The following ZFHX3 variants were observed in gnomAD, a reference collection of about 807,000 sequenced individuals.
ZFHX3 encodes the protein zinc finger homeobox protein 3.
Under a neutral mutation model 279.1 loss-of-function variants are expected in ZFHX3, and 42 were observed. The observed-to-expected ratio is 0.15, with a 90% confidence interval of 0.12 to 0.19. ZFHX3 has a LOEUF of 0.19. Ranked by LOEUF, ZFHX3 falls within the 10% of genes least tolerant of loss-of-function variation. ZFHX3 has a pLI of 1.00. For synonymous variants in ZFHX3, 2,293 were observed against 1,957.8 expected, an observed-to-expected ratio of 1.17 and a Z score of -4.52; for missense variants, 4,981 against 4,754.0, an observed-to-expected ratio of 1.05 and a Z score of -1.40.
chr16:72,937,148 C>T (rs1015653052), intron 3 of ZFHX3, among the ~76,000 whole-genome samples: 2 of 152,244 alleles, frequency 1.3e-5, no homozygotes, highest in South Asian at 4.1e-4. Context: ...CATTCTCAGA[C>T]ATTCGAATGC....
At chr16:72,979,212 G>C (rs2144535043) in intron 1 of ZFHX3, among the ~76,000 whole-genome samples, 1 of 152,350 alleles carries the variant, frequency 6.6e-6, no homozygotes, top group African/African-American at 2.4e-5. Flanking sequence ...CCCAACAACA[G>C]CGCTCCTGTG....
chr16:73,496,530 TAAAC>T (rs922980078), intron 2 of ZFHX3, among the ~76,000 whole-genome samples: 1 of 152,150 alleles, frequency 6.6e-6, no homozygotes, highest in Admixed American at 6.5e-5. Flanking sequence ...GACTCCATCT[TAAAC>T]AAACAAACAA....
chr16:72,950,970 AG>A lies in ZFHX3; in HGVS notation c.2720-6del, dbSNP rs1314457987. 1 of 1,607,758 alleles carries A rather than the reference AG, an allele frequency of 6.2e-7. No homozygotes were observed. Among genetic ancestry groups the A allele is most frequent in the Middle Eastern group, 1.7e-4 (1 of 6,018 alleles). On this transcript the variant is annotated splice_region_variant and splice_polypyrimidine_tract_variant and intron_variant, in intron 2 of 9. Transcript: ENST00000268489. ...CTAGGGGGATCTCACCGCCCACTGC[AG>A]GGAAGGAGAGAAGGAGAGAGTCAGA... is the stretch of plus-strand genomic sequence containing the variant.
intron 1 of ZFHX3, among the ~76,000 whole-genome samples, chr16:73,742,896 C>T (rs1204730720): frequency 2.0e-5 from 3 of 152,158 alleles, no homozygotes; most frequent in East Asian, 1.9e-4. Flanking sequence ...AGGAAACTGG[C>T]AGGTTTATTT....
intron 7 of ZFHX3, among the ~76,000 whole-genome samples, chr16:73,128,266 T>C (rs1255913767): frequency 1.3e-5 from 2 of 152,234 alleles, no homozygotes; most frequent in African/African-American, 4.8e-5. Flanking sequence ...AATCTTGTTT[T>C]ATTTATATAC....
intron 8 of ZFHX3, among the ~76,000 whole-genome samples, chr16:73,090,911 G>GAAAAAAAAAAAAAAA (rs57632636): frequency 2.8e-5 from 3 of 108,312 alleles, no homozygotes; most frequent in African/African-American, 1.6e-4. Flanking sequence ...ATCCCATATT[G>GAAAAAAAAAAAAAAA]AAAAAAAAAA....
At chr16:73,291,835 G>A (rs1433225759) in intron 4 of ZFHX3, among the ~76,000 whole-genome samples, 1 of 152,212 alleles carries the variant, frequency 6.6e-6, no homozygotes, top group Non-Finnish European at 1.5e-5. Context: ...ATAGGGCCTG[G>A]CTTGGGGGCT....
At chr16:73,745,973 G>C (rs1237882299) in intron 1 of ZFHX3, among the ~76,000 whole-genome samples, 1 of 152,080 alleles carries the variant, frequency 6.6e-6, no homozygotes, top group African/African-American at 2.4e-5. Context: ...CATACTTTCT[G>C]AATGAATGTT....
intron 1 of ZFHX3, among the ~76,000 whole-genome samples, chr16:73,016,264 T>C (rs1305793998): frequency 6.6e-6 from 1 of 152,220 alleles, no homozygotes; most frequent in African/African-American, 2.4e-5. Context: ...TGTTAACAAT[T>C]AACATGAATT....
rs1238570851 is a variant in ZFHX3 at position 72,829,803 on chromosome 16, G to C, written c.3505C>G (p.Leu1169Val). ...PSETAADPEELAKDQEGGASS... is the reference protein window; with the variant it reads ...PSETAADPEEVAKDQEGGASS... ...CCTCCGCCCTCTTGGTCCTTAGCAAGCTCCTCTGGATCAGCAGCTGTTTCA... is the reference window on the plus strand; with the variant it reads ...CCTCCGCCCTCTTGGTCCTTAGCAACCTCCTCTGGATCAGCAGCTGTTTCA... Residue 1169 changes from leucine (L) to valine (V), a missense_variant, in exon 5 of 10, where the codon CTT (leucine) becomes GTT (valine). Physicochemically the swap from Leu to Val is conservative, Grantham distance 32. This residue lies in a region of ZFHX3 where 1,751 missense variants were observed against 1,770.0 expected (regional missense o/e 0.99). Transcript: ENST00000268489. The C allele has an allele frequency of 6.2e-7, 1 of 1,614,100 alleles. No homozygotes were observed. The highest frequency in any genetic ancestry group is 2.2e-5 in the East Asian group (1 of 44,892).
intron 9 of ZFHX3, chr16:72,791,157 C>T (rs1405191518): frequency 2.6e-5 from 4 of 152,186 alleles, no homozygotes; most frequent in African/African-American, 9.7e-5. Context: ...GACCCTGGGA[C>T]TTTCGGTTGA....
chr16:73,576,903 G>A (rs960075068), intron 2 of ZFHX3, among the ~76,000 whole-genome samples: 4 of 152,110 alleles, frequency 2.6e-5, no homozygotes, highest in Non-Finnish European at 4.4e-5. Context: ...GTAGGCCCCA[G>A]TGCAAAATAA....
At chr16:73,173,396 T>C (rs1967586667) in intron 5 of ZFHX3, among the ~76,000 whole-genome samples, 1 of 124,246 alleles carries the variant, frequency 8.0e-6, no homozygotes, top group African/African-American at 3.0e-5. Context: ...ATATTTGTCC[T>C]CTCTTCTCGC....
intron 1 of ZFHX3, among the ~76,000 whole-genome samples, chr16:73,721,134 C>CT (rs201493142): frequency 0.017 from 2,606 of 151,572 alleles, 77 homozygotes; most frequent in African/African-American, 0.06. Context: ...CTTTCTTTTT[C>CT]TTTTTTTTGA....
chr16:73,744,054 C>T (rs1262578785), intron 1 of ZFHX3, among the ~76,000 whole-genome samples: 1 of 152,204 alleles, frequency 6.6e-6, no homozygotes, highest in Non-Finnish European at 1.5e-5. Flanking sequence ...TCCAACAAAT[C>T]AGACCACATT....
intron 2 of ZFHX3, among the ~76,000 whole-genome samples, chr16:73,544,536 T>C (rs1273172108): frequency 6.6e-6 from 1 of 152,160 alleles, no homozygotes; most frequent in East Asian, 1.9e-4. Flanking sequence ...TGCTTTGTGC[T>C]GGTGTTTGCT....
exon 8 of ZFHX3, chr16:73,093,564 G>C (rs765987640): frequency 5.9e-6 from 3 of 512,464 alleles, no homozygotes; most frequent in Admixed American, 2.0e-5. Flanking sequence ...GCCATTTCTC[G>C]GCCTTGTCTT....
intron 7 of ZFHX3, among the ~76,000 whole-genome samples, chr16:73,122,304 C>G (rs1056213011): frequency 1.3e-5 from 2 of 152,034 alleles, no homozygotes; most frequent in Admixed American, 1.3e-4. Flanking sequence ...TTCCCGGGTT[C>G]AAGCGATTCT....
At chr16:73,101,376 G>T (rs897120679) in intron 7 of ZFHX3, among the ~76,000 whole-genome samples, 2 of 152,020 alleles carry the variant, frequency 1.3e-5, no homozygotes, top group African/African-American at 4.8e-5. Context: ...TTACCGTGTT[G>T]AAAGGTATTG....
Sources: gnomAD v4.1 joint callset for allele counts (sites outside exome capture counted in the v4.1 genomes callset) on GRCh38, gnomAD v4.1.1 for gene constraint, gnomAD v4.1.1 regional missense constraint, MANE v1.5 for transcripts, NCBI Gene and HGNC (gene_info 2026-07-23, HGNC 2026-07-21) for gene names.